Variants in ALG14 observed in about 807,000 individuals in gnomAD.
ALG14 encodes the protein UDP-N-acetylglucosamine transferase subunit ALG14.
In ALG14, 17 loss-of-function variants were observed where a neutral mutation model predicts 22.8. That is an observed-to-expected ratio of 0.75 (90% CI 0.51 to 1.12). The LOEUF is 1.12. ALG14 is among the 50% of genes most tolerant of loss of function. The pLI is 0.00. For synonymous variants in ALG14, 89 were observed against 103.7 expected, an observed-to-expected ratio of 0.86 and a Z score of 0.86; for missense variants, 288 against 271.8, an observed-to-expected ratio of 1.06 and a Z score of -0.42.
chr1:94,996,675 CTTTATT>C lies in ALG14; in HGVS notation c.421-13375_421-13370del, dbSNP rs574226679. Among the ~76,000 whole-genome samples the C allele has an allele frequency of 3.2e-3, 492 of 152,174 alleles. 1 individual carries two copies. Among genetic ancestry groups the C allele is most frequent in the African/African-American group, 0.011 (474 of 41,536 alleles). ...TTAGTTCCCTAATAATCTGTTAACACTTTATTTTTATTTTTATTTTTTTGAGATGGA... is the reference window on the plus strand; with the variant it reads ...TTAGTTCCCTAATAATCTGTTAACACTTTATTTTTATTTTTTTGAGATGGA... On this transcript the variant is annotated intron_variant, in intron 3 of 3. Transcript: ENST00000370205.
rs35131311 is a variant in ALG14 at position 95,055,828 on chromosome 1, TAAAAAAAAAAAAAAA to T, written c.288+9023_288+9037del. On this transcript the variant is annotated intron_variant, in intron 2 of 3. Coordinates refer to ENST00000370205, the MANE Select transcript of ALG14 (RefSeq NM_144988.4). ...TAACATGGTGAAATCCCGTCTCTAC[TAAAAAAAAAAAAAAA>T]AAAAAAAAAAAAAAAAATTAGCCAG... 1.5e-3 allele frequency among the ~76,000 whole-genome samples: 51 copies of T among 33,058 alleles called. No individual in the cohort carries two copies. In the East Asian group the frequency reaches 0.016, roughly 10 times the overall value. 21.7% of individuals were successfully genotyped at this position (33,058 alleles called of 152,430 possible). A position where few individuals can be genotyped will look rare whatever the true frequency, so the allele number is the denominator to read the frequency against.
intron 2 of ALG14, among the ~76,000 whole-genome samples, chr1:95,047,192 T>C (rs553808335): frequency 6.6e-6 from 1 of 152,244 alleles, no homozygotes; most frequent in African/African-American, 2.4e-5. Flanking sequence ...TATATGTATG[T>C]GTGTATATAT....
intron 2 of ALG14, among the ~76,000 whole-genome samples, chr1:95,042,731 G>C (rs1247976638): frequency 6.6e-6 from 1 of 152,164 alleles, no homozygotes; most frequent in Non-Finnish European, 1.5e-5. Flanking sequence ...TTCATCGTTA[G>C]TTCTGAAACT....
intron 3 of ALG14, among the ~76,000 whole-genome samples, chr1:95,002,700 A>G (rs2100737561): frequency 6.6e-6 from 1 of 152,330 alleles, no homozygotes; most frequent in Non-Finnish European, 1.5e-5. Context: ...CCTGCAGGCA[A>G]AAGTGAATTA....
intron 2 of ALG14, among the ~76,000 whole-genome samples, chr1:95,042,382 G>A (rs112646224): frequency 6.6e-6 from 1 of 152,032 alleles, no homozygotes; most frequent in Non-Finnish European, 1.5e-5. Context: ...GACTCTTCGC[G>A]TTATTTATCA....
rs1016455677 is a variant in ALG14 at position 94,974,512 on chromosome 1, T to C, written c.*8564A>G. The C allele has an allele frequency of 6.6e-6, 1 of 152,176 alleles. No individual in the cohort carries two copies. Among genetic ancestry groups the C allele is most frequent in the Admixed American group, 6.5e-5 (1 of 15,280 alleles). 9.4% of individuals were successfully genotyped at this position (152,176 alleles called of 1,614,324 possible). On this transcript the variant is annotated 3_prime_UTR_variant, in exon 4 of 4. Coordinates refer to ENST00000370205, the MANE Select transcript of ALG14 (RefSeq NM_144988.4). ...AACCATGTGCTTATTCATCTGCATATGGTTAAAGATTTAAAAGAATCCATT... is the reference window on the plus strand; with the variant it reads ...AACCATGTGCTTATTCATCTGCATACGGTTAAAGATTTAAAAGAATCCATT...
chr1:95,039,836 C>T (rs1674324647), intron 2 of ALG14, among the ~76,000 whole-genome samples: 1 of 152,006 alleles, frequency 6.6e-6, no homozygotes, highest in Non-Finnish European at 1.5e-5. Context: ...CAGCCTGGAG[C>T]AGAAGCCTCG....
At chr1:95,062,847 T>C (rs1675214437) in intron 2 of ALG14, among the ~76,000 whole-genome samples, 2 of 152,262 alleles carry the variant, frequency 1.3e-5, no homozygotes, top group African/African-American at 2.4e-5. Context: ...GTGGTATTTC[T>C]GCCTCTAGAT....
intron 2 of ALG14, among the ~76,000 whole-genome samples, chr1:95,035,295 T>G (rs540068611): frequency 6.6e-6 from 1 of 152,250 alleles, no homozygotes; most frequent in African/African-American, 2.4e-5. Context: ...TAATCCAGTC[T>G]CTTTCACACT....
intron 3 of ALG14, among the ~76,000 whole-genome samples, chr1:95,000,646 C>T (rs1459297055): frequency 6.6e-6 from 1 of 151,044 alleles, no homozygotes; most frequent in African/African-American, 2.4e-5. Flanking sequence ...TTAATTGTTC[C>T]AAATGCTTTC....
At chr1:95,060,012 C>T (rs1012830134) in intron 2 of ALG14, among the ~76,000 whole-genome samples, 3 of 137,090 alleles carry the variant, frequency 2.2e-5, no homozygotes, top group African/African-American at 8.4e-5. Context: ...TGAGCTGAAG[C>T]GTAGAAAAAG....
intron 2 of ALG14, among the ~76,000 whole-genome samples, chr1:95,047,962 C>T (rs932719172): frequency 2.0e-5 from 3 of 152,196 alleles, no homozygotes; most frequent in Admixed American, 6.5e-5. Flanking sequence ...GGCAACACAG[C>T]AAGATCCTGA....
At chr1:95,024,442 A>G (rs1357921977) in intron 3 of ALG14, among the ~76,000 whole-genome samples, 1 of 152,194 alleles carries the variant, frequency 6.6e-6, no homozygotes, top group Admixed American at 6.5e-5. Flanking sequence ...AAAATACTGG[A>G]TAACTTTTCA....
chr1:95,048,991 A>G (rs1288491476), intron 2 of ALG14, among the ~76,000 whole-genome samples: 1 of 152,176 alleles, frequency 6.6e-6, no homozygotes, highest in Non-Finnish European at 1.5e-5. Context: ...TTAGGCACCT[A>G]AAATATTATA....
At chr1:95,024,041 T>G (rs2100766542) in intron 3 of ALG14, among the ~76,000 whole-genome samples, 1 of 152,318 alleles carries the variant, frequency 6.6e-6, no homozygotes, top group South Asian at 2.1e-4. Context: ...TAATCAGCAA[T>G]CTCACAAATT....
intron 2 of ALG14, among the ~76,000 whole-genome samples, chr1:95,037,435 T>C (rs1334486711): frequency 1.3e-5 from 2 of 152,140 alleles, no homozygotes; most frequent in African/African-American, 2.4e-5. Flanking sequence ...TTCTTCCTCA[T>C]GAAGAGGAAG....
intron 2 of ALG14, 62 bp downstream of exon 2, chr1:95,064,804 T>C (rs1370628467): frequency 1.3e-6 from 2 of 1,520,244 alleles, no homozygotes; most frequent in Non-Finnish European, 1.8e-6. Flanking sequence ...AGATTATTAC[T>C]AGAGACAATT....
At chr1:95,054,387 T>C (rs956557659) in intron 2 of ALG14, among the ~76,000 whole-genome samples, 5 of 152,136 alleles carry the variant, frequency 3.3e-5, no homozygotes, top group African/African-American at 1.2e-4. Flanking sequence ...CCATGTGAAG[T>C]GCTGGCTCCT....
intron 1 of ALG14, among the ~76,000 whole-genome samples, chr1:95,068,377 C>A (rs12408510): frequency 4.6e-5 from 7 of 152,136 alleles, no homozygotes; most frequent in Admixed American, 4.6e-4. Flanking sequence ...ACCTCTGCCT[C>A]CTGGGTTCAA....
Sources: gnomAD v4.1 joint callset for allele counts (sites outside exome capture counted in the v4.1 genomes callset) on GRCh38, gnomAD v4.1.1 for gene constraint, MANE v1.5 for transcripts, NCBI Gene and HGNC (gene_info 2026-07-23, HGNC 2026-07-21) for gene names.